MYCT1: variants seen among roughly 807,000 people sequenced by gnomAD.
MYCT1 encodes myc target protein 1.
A neutral mutation model predicts 15.0 loss-of-function variants in MYCT1; 12 were observed. The ratio of observed to expected loss-of-function variants is 0.80; its 90% confidence interval spans 0.51 to 1.29. The LOEUF is 1.29. Ranked by LOEUF, MYCT1 falls within the 50% of genes most tolerant of loss-of-function variation. The pLI is 0.00. For missense variants in MYCT1, 287 were observed against 279.1 expected (o/e 1.03, Z -0.20); for synonymous variants, 104 against 102.7 (o/e 1.01, Z -0.07).
intron 1 of MYCT1, among the ~76,000 whole-genome samples, chr6:152,712,520 C>T (rs1434960827): frequency 2.8e-5 from 2 of 72,090 alleles, no homozygotes; most frequent in African/African-American, 3.7e-5. Flanking sequence ...CTGGCCTGCG[C>T]CCACTGTCTG....
At chr6:152,730,347 C>G in the MYCT1 span, among the ~76,000 whole-genome samples, 1 of 152,180 alleles carries the variant, frequency 6.6e-6, no homozygotes, top group East Asian at 1.9e-4. Flanking sequence ...ACAACTTGGC[C>G]ATTGTCGAAA....
At chr6:152,731,748 A>AT in the MYCT1 span, among the ~76,000 whole-genome samples, 22,690 of 140,288 alleles carry the variant, frequency 0.16, 1,857 homozygotes, top group South Asian at 0.18. Flanking sequence ...AGAGAACGCC[A>AT]TTTTTTTTTT....
rs1283295590 is a variant in MYCT1 at position 152,723,799 on chromosome 6, C to T, written c.*1546C>T. ...GACATGAGTTCACTGGAGTATTACT[C>T]AAAAAGTCTGTGGTTCATTTCCAGT... is the stretch of plus-strand genomic sequence containing the variant. On this transcript the variant is annotated 3_prime_UTR_variant, in exon 2 of 2. Coordinates refer to ENST00000367245, the MANE Select transcript of MYCT1 (RefSeq NM_025107.3). 6.6e-6 allele frequency: 1 copy of T among 152,154 alleles called. No individual in the cohort carries two copies. The highest frequency in any genetic ancestry group is 2.4e-5 in the African/African-American group (1 of 41,426). 9.4% of individuals were successfully genotyped at this position (152,154 alleles called of 1,614,324 possible).
At chr6:152,740,987 C>T in the MYCT1 span, among the ~76,000 whole-genome samples, 2 of 152,092 alleles carry the variant, frequency 1.3e-5, no homozygotes, top group Admixed American at 6.5e-5. Context: ...TAAATGTATA[C>T]GAGCTATAGA....
chr6:152,721,609 C>T, intron 1 of MYCT1, 133 bp from the exon 2 acceptor site: 2 of 813,208 alleles, frequency 2.5e-6, no homozygotes, highest in Non-Finnish European at 3.8e-6. Flanking sequence ...CTAACACTGT[C>T]TTCTATTTCC....
chr6:152,745,876 G>A, the MYCT1 span, among the ~76,000 whole-genome samples: 1 of 152,180 alleles, frequency 6.6e-6, no homozygotes, highest in Non-Finnish European at 1.5e-5. Flanking sequence ...CCATTATGCA[G>A]AGTGTTTCTC....
In MYCT1 at chr6:152,704,686, C is replaced by A. The variant is rs145261650; in HGVS notation, c.196+6588C>A. On this transcript the variant is annotated intron_variant, in intron 1 of 1. Transcript: ENST00000367245. ...CTCTTTCAGGATTACTTTGGCTTTT[C>A]GTGACTTTTTGTATTTTCTCACTCC... Among the ~76,000 whole-genome samples the A allele has an allele frequency of 2.0e-5, 3 of 152,128 alleles. No individual in the cohort carries two copies. In the East Asian group the frequency reaches 5.8e-4, roughly 29 times the overall value.
intron 1 of MYCT1, among the ~76,000 whole-genome samples, chr6:152,716,760 A>T (rs1446422667): frequency 6.6e-6 from 1 of 152,166 alleles, no homozygotes; most frequent in Non-Finnish European, 1.5e-5. Flanking sequence ...AATTAGGATG[A>T]CATATATTTA....
downstream of MYCT1, among the ~76,000 whole-genome samples, chr6:152,724,871 G>T (rs2099725363): frequency 6.6e-6 from 1 of 151,838 alleles, no homozygotes; most frequent in Non-Finnish European, 1.5e-5. Context: ...AATTAATGCA[G>T]ATGGAAGAAT....
chr6:152,713,007 C>T (rs1003009081), intron 1 of MYCT1, among the ~76,000 whole-genome samples: 2 of 151,934 alleles, frequency 1.3e-5, no homozygotes, highest in African/African-American at 4.8e-5. Flanking sequence ...TCCATCCACC[C>T]TTTCCTCTGT....
chr6:152,702,398 TA>T (rs1565389577), intron 1 of MYCT1, among the ~76,000 whole-genome samples: 1 of 152,212 alleles, frequency 6.6e-6, no homozygotes, highest in Non-Finnish European at 1.5e-5. Flanking sequence ...TCTATATGTT[TA>T]AAAAATTATT....
At chr6:152,720,577 T>C (rs1004532175) in intron 1 of MYCT1, among the ~76,000 whole-genome samples, 1 of 152,234 alleles carries the variant, frequency 6.6e-6, no homozygotes, top group Non-Finnish European at 1.5e-5. Flanking sequence ...TAGGAGTCTT[T>C]ACTGAAGATG....
intron 1 of MYCT1, among the ~76,000 whole-genome samples, chr6:152,701,639 C>T (rs1343850032): frequency 1.3e-5 from 2 of 152,100 alleles, no homozygotes; most frequent in Non-Finnish European, 2.9e-5. Flanking sequence ...TGTGCTTGAT[C>T]AAGTTCTGGC....
chr6:152,717,802 G>T (rs1053268613), intron 1 of MYCT1, among the ~76,000 whole-genome samples: 2 of 151,996 alleles, frequency 1.3e-5, no homozygotes, highest in Non-Finnish European at 2.9e-5. Context: ...TTAAGAAGTC[G>T]TTTTCATGAT....
Position 152,722,353 on chromosome 6 carries a change from A to T in MYCT1, c.*100A>T. The stretch of plus-strand genomic sequence containing the variant: ...GAATTTTGAGGGCATGGCCCAAATA[A>T]CTCATGAGTTCCAAGTTGAAACATG... On this transcript the variant is annotated 3_prime_UTR_variant, in exon 2 of 2. Transcript: ENST00000367245. The T allele has an allele frequency of 1.7e-6, 2 of 1,204,038 alleles. No individual in the cohort carries two copies. Among genetic ancestry groups the T allele is most frequent in the Non-Finnish European group, 2.3e-6 (2 of 871,384 alleles). The allele number at this position is 1,204,038 out of a possible 1,614,324, so 74.6% of individuals were successfully genotyped here.
the MYCT1 span, among the ~76,000 whole-genome samples, chr6:152,735,359 T>C: frequency 6.6e-6 from 1 of 152,166 alleles, no homozygotes; most frequent in African/African-American, 2.4e-5. Flanking sequence ...CTTTGGATAT[T>C]TCATAATAAA....
At chr6:152,707,238 C>T (rs534385227) in intron 1 of MYCT1, among the ~76,000 whole-genome samples, 34 of 152,094 alleles carry the variant, frequency 2.2e-4, no homozygotes, top group African/African-American at 7.2e-4. Context: ...CTTTGATTTG[C>T]GTTTCCCTGA....
In MYCT1 at chr6:152,722,066, C is replaced by A. The variant is rs1383885136; in HGVS notation, c.521C>A (p.Pro174Gln). The change falls in exon 2 of 2, where the codon CCA becomes CAA. Residue 174 changes from proline (P) to glutamine (Q), a missense_variant. Physicochemically the swap from Pro to Gln is moderately conservative, Grantham distance 76. Transcript: ENST00000367245. Reference sequence around the variant, plus strand: ...ACTTTCCATCCCTTTCTGCAATGTCCACCACTTCCTGTGGAAACTGAGAGT... The same window carrying A: ...ACTTTCCATCCCTTTCTGCAATGTCAACCACTTCCTGTGGAAACTGAGAGT... ...ASTFHPFLQC[P>Q]PLPVETESQL... 1 of 1,614,150 alleles carries A rather than the reference C, an allele frequency of 6.2e-7. No homozygotes were observed. The highest frequency in any genetic ancestry group is 8.5e-7 in the Non-Finnish European group (1 of 1,180,018).
intron 1 of MYCT1, among the ~76,000 whole-genome samples, chr6:152,718,820 C>T (rs2099724196): frequency 6.6e-6 from 1 of 151,978 alleles, no homozygotes; most frequent in South Asian, 2.1e-4. Context: ...ATCAAGGAAA[C>T]ATCTCTTTTT....
Sources: gnomAD v4.1 joint callset for allele counts (sites outside exome capture counted in the v4.1 genomes callset) on GRCh38, gnomAD v4.1.1 for gene constraint, MANE v1.5 for transcripts, NCBI Gene and HGNC (gene_info 2026-07-23, HGNC 2026-07-21) for gene names.